EDAR: variants seen among roughly 807,000 people sequenced by gnomAD.
EDAR encodes the protein ectodysplasin A receptor.
In EDAR, 38 loss-of-function variants were observed where a neutral mutation model predicts 51.3. That is an observed-to-expected ratio of 0.74 (90% CI 0.57 to 0.97). The LOEUF is 0.97. EDAR is among the 50% of genes least tolerant of loss of function. The pLI is 0.00. For missense variants in EDAR, 528 were observed against 595.0 expected (o/e 0.89, Z 1.17); for synonymous variants, 227 against 242.1 (o/e 0.94, Z 0.58).
At chr2:108,911,749 A>T (rs1328532919) in intron 6 of EDAR, among the ~76,000 whole-genome samples, 3 of 152,026 alleles carry the variant, frequency 2.0e-5, no homozygotes, top group African/African-American at 7.3e-5. Flanking sequence ...TAAGATCCAG[A>T]TTTGCCACCA....
At chr2:108,984,296 G>A (rs751221803) in intron 1 of EDAR, among the ~76,000 whole-genome samples, 2 of 152,122 alleles carry the variant, frequency 1.3e-5, no homozygotes, top group Admixed American at 6.5e-5. Flanking sequence ...TACAGCAACC[G>A]GCGTGGCATG....
At chr2:108,949,984 G>T (rs1697791786) in intron 1 of EDAR, among the ~76,000 whole-genome samples, 1 of 152,254 alleles carries the variant, frequency 6.6e-6, no homozygotes, top group Non-Finnish European at 1.5e-5. Context: ...GAACTGTGGA[G>T]ATTGGGTGCA....
chr2:108,908,999 G>C (rs779195130), intron 9 of EDAR, among the ~76,000 whole-genome samples: 5 of 152,162 alleles, frequency 3.3e-5, no homozygotes, highest in South Asian at 2.1e-4. Flanking sequence ...GGTGGAGCAG[G>C]TGAGGTGGCA....
chr2:108,907,848 C>T lies in EDAR; in HGVS notation c.963+12G>A, dbSNP rs1696840712. On this transcript the variant is annotated intron_variant, in intron 10 of 11. Transcript: ENST00000258443. ...ATCTCACAGCTCATCATGGCACCTGCAGGAGCCTCACCCCGGCTGACTTGT... is the reference window on the plus strand; with the variant it reads ...ATCTCACAGCTCATCATGGCACCTGTAGGAGCCTCACCCCGGCTGACTTGT... 6.2e-7 allele frequency: 1 copy of T among 1,613,368 alleles called. No individual in the cohort carries two copies. The highest frequency in any genetic ancestry group is 8.5e-7 in the Non-Finnish European group (1 of 1,180,004).
rs1697315052 is a variant in EDAR, at chr2:108,929,101, A to G, written c.356+97T>C. The stretch of plus-strand genomic sequence containing the variant: ...GGTGTGCGGCTGCACCGAGGCCTGC[A>G]GTATCCATGACCCCTGTTCCCAAGG... On this transcript the variant is annotated intron_variant, in intron 4 of 11. Transcript: ENST00000258443. 11 of 1,395,134 alleles carry G rather than the reference A, an allele frequency of 7.9e-6. No individual in the cohort carries two copies. In the South Asian group the frequency reaches 1.3e-4, roughly 17 times the overall value. 86.4% of individuals were successfully genotyped at this position (1,395,134 alleles called of 1,614,324 possible).
chr2:108,933,781 G>C (rs1484717234), intron 1 of EDAR, among the ~76,000 whole-genome samples: 1 of 152,088 alleles, frequency 6.6e-6, no homozygotes, highest in African/African-American at 2.4e-5. Context: ...CGGGGTGGCG[G>C]GGAGGCAAGG....
intron 1 of EDAR, among the ~76,000 whole-genome samples, chr2:108,941,494 C>A (rs1231855452): frequency 6.6e-6 from 1 of 152,170 alleles, no homozygotes; most frequent in Admixed American, 6.5e-5. Flanking sequence ...CTTTGAGGGG[C>A]TTCCTGGCGA....
chr2:108,983,393 A>C (rs1247605168), intron 1 of EDAR, among the ~76,000 whole-genome samples: 1 of 152,328 alleles, frequency 6.6e-6, no homozygotes, highest in Non-Finnish European at 1.5e-5. Context: ...TTTATTACCC[A>C]AGGACACAGA....
intron 1 of EDAR, among the ~76,000 whole-genome samples, chr2:108,972,340 T>A (rs1698249665): frequency 6.6e-6 from 1 of 152,202 alleles, no homozygotes; most frequent in Non-Finnish European, 1.5e-5. Flanking sequence ...ACACAGACAA[T>A]GATGACCAAA....
At chr2:108,941,331 A>G (rs1237134990) in intron 1 of EDAR, among the ~76,000 whole-genome samples, 2 of 152,186 alleles carry the variant, frequency 1.3e-5, no homozygotes, top group African/African-American at 4.8e-5. Context: ...TCGGTGACTC[A>G]AACGTGAGGC....
At chr2:108,955,764 T>C (rs1697910620) in intron 1 of EDAR, among the ~76,000 whole-genome samples, 1 of 151,080 alleles carries the variant, frequency 6.6e-6, no homozygotes, top group Non-Finnish European at 1.5e-5. Context: ...CGGTGGCTCA[T>C]GCCTGTAATC....
At chr2:108,939,903 C>T (rs1697558530) in intron 1 of EDAR, among the ~76,000 whole-genome samples, 1 of 152,194 alleles carries the variant, frequency 6.6e-6, no homozygotes. Flanking sequence ...AAGTTGGCAC[C>T]TTAAAGTATT....
intron 1 of EDAR, among the ~76,000 whole-genome samples, chr2:108,943,562 C>A (rs1371768813): frequency 6.6e-6 from 1 of 152,164 alleles, no homozygotes; most frequent in Non-Finnish European, 1.5e-5. Context: ...TCCGAATTAT[C>A]CAGAACCAGT....
rs1486328512 is a variant in EDAR, at chr2:108,896,364, T to C, written c.*543A>G. On this transcript the variant is annotated 3_prime_UTR_variant, in exon 12 of 12. Transcript: ENST00000258443. Reference sequence around the variant, plus strand: ...TTTGTTGCCATTTTATCAAAATGTTTGAGCTGCTTCTTCACTAGGATGCCA... The same window carrying C: ...TTTGTTGCCATTTTATCAAAATGTTCGAGCTGCTTCTTCACTAGGATGCCA... 1 of 154,482 alleles carries C rather than the reference T, an allele frequency of 6.5e-6. No individual in the cohort carries two copies. Among genetic ancestry groups the C allele is most frequent in the Non-Finnish European group, 1.4e-5 (1 of 69,418 alleles). 9.6% of individuals were successfully genotyped at this position (154,482 alleles called of 1,614,324 possible).
chr2:108,979,193 AG>A, intron 1 of EDAR, among the ~76,000 whole-genome samples: 2 of 152,278 alleles, frequency 1.3e-5, no homozygotes, highest in South Asian at 4.1e-4. Flanking sequence ...CCCTTACTTA[AG>A]GAACAGCTCT....
chr2:108,953,497 A>G (rs1446212406), intron 1 of EDAR, among the ~76,000 whole-genome samples: 1 of 152,022 alleles, frequency 6.6e-6, no homozygotes, highest in Non-Finnish European at 1.5e-5. Context: ...GCCAGGGTGA[A>G]TGGGTATATT....
chr2:108,925,306 G>C (rs886863576), intron 4 of EDAR, among the ~76,000 whole-genome samples: 1 of 152,258 alleles, frequency 6.6e-6, no homozygotes, highest in Non-Finnish European at 1.5e-5. Flanking sequence ...GAGGTGGACA[G>C]AGGCCCCAAA....
intron 1 of EDAR, among the ~76,000 whole-genome samples, chr2:108,975,363 T>C (rs1334536689): frequency 6.6e-6 from 1 of 152,146 alleles, no homozygotes; most frequent in Admixed American, 6.5e-5. Context: ...GCAAGGGAGC[T>C]TGTGGGTGCA....
rs568696868 is a variant in EDAR at position 108,948,298 on chromosome 2, G to T, written c.-18-17266C>A. On this transcript the variant is annotated intron_variant, in intron 1 of 11. Transcript: ENST00000258443. ...TTGGTCAAAATCATTCAACAAGTCT[G>T]TAGGAAGTTCCAAACGTTCCCATGT... Among the ~76,000 whole-genome samples, 5 of 152,322 alleles carry T rather than the reference G, an allele frequency of 3.3e-5. No homozygotes were observed. The South Asian group carries it at 1.0e-3, about 32-fold the overall frequency.
Sources: allele counts gnomAD v4.1 joint callset (sites outside exome capture counted in the v4.1 genomes callset), GRCh38; gene constraint gnomAD v4.1.1; transcripts MANE v1.5; gene names NCBI Gene and HGNC (gene_info 2026-07-23, HGNC 2026-07-21).